The following HECW1 variants were observed in gnomAD, a reference collection of about 807,000 sequenced individuals.
The protein encoded by HECW1 is HECT, C2 and WW domain containing E3 ubiquitin protein ligase 1.
In HECW1, 61 loss-of-function variants were observed where a neutral mutation model predicts 182.3. That is an observed-to-expected ratio of 0.33 (90% CI 0.27 to 0.41). The LOEUF (loss-of-function observed/expected upper bound fraction) is 0.41. HECW1 is among the 10% of genes least tolerant of loss of function. HECW1 has a pLI of 1.00. For missense variants in HECW1, 1,739 were observed against 2,108.9 expected (o/e 0.82, Z 3.44); for synonymous variants, 859 against 832.6 (o/e 1.03, Z -0.55).
intron 5 of HECW1, among the ~76,000 whole-genome samples, chr7:43,345,629 G>T (rs1459436170): frequency 6.6e-6 from 1 of 151,874 alleles, no homozygotes; most frequent in Non-Finnish European, 1.5e-5. Context: ...TCATTCTTAT[G>T]CCTTTGTGTC....
intron 3 of HECW1, among the ~76,000 whole-genome samples, chr7:43,282,258 G>A (rs1314601495): frequency 6.6e-6 from 1 of 152,224 alleles, no homozygotes; most frequent in Non-Finnish European, 1.5e-5. Context: ...AATGAACAGA[G>A]CAGGAGGAAA....
At chr7:43,259,502 G>A in intron 3 of HECW1, among the ~76,000 whole-genome samples, 1 of 152,092 alleles carries the variant, frequency 6.6e-6, no homozygotes, top group Non-Finnish European at 1.5e-5. Context: ...CCCACAGATG[G>A]ATCAGATACT....
intron 3 of HECW1, among the ~76,000 whole-genome samples, chr7:43,281,713 C>CTTTTTTTTTTTTTTTTTTTTT (rs55860415): frequency 1.3e-5 from 1 of 77,346 alleles, no homozygotes; most frequent in Admixed American, 1.6e-4. Context: ...TCTTTGCTTT[C>CTTTTTTTTTTTTTTTTTTTTT]TTTTTTTTTT....
intron 3 of HECW1, among the ~76,000 whole-genome samples, chr7:43,311,295 T>G (rs140152916): frequency 7.4e-4 from 112 of 152,218 alleles, no homozygotes; most frequent in African/African-American, 2.6e-3. Flanking sequence ...CACTCCTAAT[T>G]CTGGGCTGTG....
At position 43,445,104 on chromosome 7, in the gene HECW1, G is replaced by T; in HGVS notation, c.1932G>T (p.Ala644=). 1 of 1,606,190 alleles carries T rather than the reference G, an allele frequency of 6.2e-7. No individual in the cohort carries two copies. Residue 644 remains alanine, a synonymous_variant, in exon 11 of 30, where the codon GCG becomes GCT. Coordinates refer to ENST00000395891, the MANE Select transcript of HECW1 (RefSeq NM_015052.5). Reference sequence around the variant, plus strand: ...ACTTCCCCAGCCTGGCCAATGGCGCGGCCCAGGATGGCGACACGCACCCCA... The same window carrying T: ...ACTTCCCCAGCCTGGCCAATGGCGCTGCCCAGGATGGCGACACGCACCCCA... ...GGHFPSLANG[A]AQDGDTHPST... is the part of the protein sequence containing the mutation.
At chr7:43,359,956 A>G (rs902557543) in intron 5 of HECW1, among the ~76,000 whole-genome samples, 20 of 152,332 alleles carry the variant, frequency 1.3e-4, no homozygotes, top group Admixed American at 3.3e-4. Context: ...CTTGTCCTCT[A>G]GGGAACTAAA....
chr7:43,525,101 A>G (rs2080704099), intron 24 of HECW1, among the ~76,000 whole-genome samples: 2 of 152,232 alleles, frequency 1.3e-5, no homozygotes, highest in Admixed American at 1.3e-4. Flanking sequence ...ACAAATGAAC[A>G]TCGATGCTGC....
At chr7:43,552,405 T>C (rs774584825) in intron 28 of HECW1, 69 bp downstream of exon 28, 5 of 1,004,782 alleles carry the variant, frequency 5.0e-6, no homozygotes, top group Non-Finnish European at 8.0e-6. Flanking sequence ...AAAGATTGTT[T>C]TGTTGAGGTG....
intron 6 of HECW1, among the ~76,000 whole-genome samples, chr7:43,394,614 G>A (rs1488241604): frequency 1.3e-5 from 2 of 152,136 alleles, no homozygotes; most frequent in African/African-American, 2.4e-5. Flanking sequence ...TGAATAAGGG[G>A]TATGGCATCC....
chr7:43,308,367 C>A (rs1326394755), intron 3 of HECW1, among the ~76,000 whole-genome samples: 1 of 103,990 alleles, frequency 9.6e-6, no homozygotes, highest in African/African-American at 3.6e-5. Context: ...TATAATATAA[C>A]ATATAATATA....
At chr7:43,326,275 G>A (rs1810767366) in intron 5 of HECW1, among the ~76,000 whole-genome samples, 1 of 152,226 alleles carries the variant, frequency 6.6e-6, no homozygotes, top group Admixed American at 6.5e-5. Flanking sequence ...CTTACTGACA[G>A]TTTGTAATGA....
At chr7:43,441,687 G>A (rs2076893609) in intron 9 of HECW1, among the ~76,000 whole-genome samples, 1 of 152,206 alleles carries the variant, frequency 6.6e-6, no homozygotes, top group Admixed American at 6.5e-5. Flanking sequence ...CATGAAAGTT[G>A]CCACAGATAA....
chr7:43,536,737 T>A (rs1053847294), intron 24 of HECW1, among the ~76,000 whole-genome samples: 10 of 152,066 alleles, frequency 6.6e-5, no homozygotes, highest in Non-Finnish European at 1.3e-4. Flanking sequence ...AGCTGTTCCC[T>A]CCACCCACCA....
At chr7:43,358,091 G>A (rs765779885) in intron 5 of HECW1, among the ~76,000 whole-genome samples, 4 of 152,122 alleles carry the variant, frequency 2.6e-5, no homozygotes, top group Non-Finnish European at 4.4e-5. Flanking sequence ...AGTAGTGCCC[G>A]TTTGGGATTC....
At chr7:43,349,650 G>T (rs1161345019) in intron 5 of HECW1, among the ~76,000 whole-genome samples, 1 of 152,154 alleles carries the variant, frequency 6.6e-6, no homozygotes. Context: ...TTTAAAGTTT[G>T]TTTTGTCTTA....
intron 2 of HECW1, among the ~76,000 whole-genome samples, chr7:43,144,355 C>CT (rs1184571192): frequency 6.6e-6 from 1 of 152,004 alleles, no homozygotes; most frequent in African/African-American, 2.4e-5. Context: ...TGAAATTTCT[C>CT]TTTTTCCCCT....
chr7:43,216,725 G>T (rs1382910689), intron 2 of HECW1, among the ~76,000 whole-genome samples: 1 of 151,864 alleles, frequency 6.6e-6, no homozygotes. Flanking sequence ...CGTGAACTCA[G>T]CTCACTGCAA....
intron 2 of HECW1, among the ~76,000 whole-genome samples, chr7:43,126,797 G>A (rs1786294315): frequency 6.6e-6 from 1 of 152,110 alleles, no homozygotes; most frequent in Non-Finnish European, 1.5e-5. Context: ...CTGTTATGGT[G>A]ATCTCTGATC....
chr7:43,451,562 T>C (rs1425436976), intron 12 of HECW1, among the ~76,000 whole-genome samples: 1 of 152,220 alleles, frequency 6.6e-6, no homozygotes, highest in East Asian at 1.9e-4. Flanking sequence ...ATTTAATCTC[T>C]CAGGGACTTA....
Sources: allele counts gnomAD v4.1 joint callset (sites outside exome capture counted in the v4.1 genomes callset), GRCh38; gene constraint gnomAD v4.1.1; transcripts MANE v1.5; gene names NCBI Gene and HGNC (gene_info 2026-07-23, HGNC 2026-07-21).